Variants in DGKB observed in about 807,000 individuals in gnomAD.
DGKB encodes the protein diacylglycerol kinase beta.
In DGKB, 67 loss-of-function variants were observed where a neutral mutation model predicts 114.3. That is an observed-to-expected ratio of 0.59 (90% CI 0.48 to 0.72). The LOEUF is 0.72. Among genes scored for constraint, DGKB ranks in the 30% least tolerant of loss-of-function variants. The probability of loss-of-function intolerance (pLI) is 0.00; values close to 1 mark genes in which losing one functional copy is unlikely to be tolerated. For missense variants in DGKB, 907 were observed against 975.2 expected, an observed-to-expected ratio of 0.93 and a Z score of 0.93; for synonymous variants, 398 against 323.1, an observed-to-expected ratio of 1.23 and a Z score of -2.49.
rs376591211 is a variant in DGKB at position 14,758,928 on chromosome 7, G to GATAGATAGATAAC, written c.71-1198_71-1197insGTTATCTATCTAT. ...AGATAGATAGATAGATAGATAGATAGATAGATACATAGATAGATAGAGTTT... is the reference window on the plus strand; with the variant it reads ...AGATAGATAGATAGATAGATAGATAGATAGATAGATAACATAGATACATAGATAGATAGAGTTT... On this transcript the variant is annotated intron_variant, in intron 2 of 25. Transcript: ENST00000402815. Among the ~76,000 whole-genome samples, 726 of 146,954 alleles carry GATAGATAGATAAC rather than the reference G, an allele frequency of 4.9e-3. 4 individuals are homozygous for GATAGATAGATAAC. The highest frequency in any genetic ancestry group is 0.017 in the African/African-American group (687 of 39,606).
At chr7:14,509,672 C>T (rs567106610) in intron 20 of DGKB, among the ~76,000 whole-genome samples, 231 of 152,324 alleles carry the variant, frequency 1.5e-3, no homozygotes, top group Middle Eastern at 6.8e-3. Flanking sequence ...ACCAATAAAT[C>T]GGGCAGAGCC....
rs889040259 is a variant in DGKB, at chr7:14,148,365, T to G, written c.*766A>C. ...TAGGCACATAGTTTAAAACTTCTAT[T>G]TCGTTATTGGTGTGGTTATGAATTC... On this transcript the variant is annotated 3_prime_UTR_variant, in exon 26 of 26. Transcript: ENST00000402815. The G allele has an allele frequency of 1.3e-5, 2 of 152,562 alleles. No individual in the cohort carries two copies. Among genetic ancestry groups the G allele is most frequent in the Non-Finnish European group, 2.9e-5 (2 of 68,010 alleles). 9.5% of individuals were successfully genotyped at this position (152,562 alleles called of 1,614,324 possible).
chr7:14,484,902 T>A (rs1355845141), intron 20 of DGKB, among the ~76,000 whole-genome samples: 1 of 151,988 alleles, frequency 6.6e-6, no homozygotes, highest in Non-Finnish European at 1.5e-5. Context: ...TCCACATAAA[T>A]TGGGAGAAGA....
intron 23 of DGKB, among the ~76,000 whole-genome samples, chr7:14,289,471 G>C (rs1454796504): frequency 1.3e-5 from 2 of 151,990 alleles, no homozygotes; most frequent in Non-Finnish European, 2.9e-5. Context: ...CTAAAATCTT[G>C]TTTAAAAAAT....
intron 1 of DGKB, among the ~76,000 whole-genome samples, chr7:14,962,991 C>G (rs1786946383): frequency 6.6e-6 from 1 of 152,088 alleles, no homozygotes; most frequent in Non-Finnish European, 1.5e-5. Context: ...TTCATTTTCT[C>G]TCTTCCGTTC....
chr7:14,623,239 G>A lies in DGKB; in HGVS notation c.1168-1745C>T, dbSNP rs542975326. Reference sequence around the variant, plus strand: ...AATTGATTGGCAATGCATGCCATGGGTGCTTAAGTGCTTTAGTGCCACACA... The same window carrying A: ...AATTGATTGGCAATGCATGCCATGGATGCTTAAGTGCTTTAGTGCCACACA... On this transcript the variant is annotated intron_variant, in intron 14 of 25. Coordinates refer to ENST00000402815, the MANE Select transcript of DGKB (RefSeq NM_001350709.2). Among the ~76,000 whole-genome samples, 3 of 152,288 alleles carry A rather than the reference G, an allele frequency of 2.0e-5. No individual in the cohort carries two copies. The South Asian group carries it at 6.2e-4, about 32-fold the overall frequency.
intron 21 of DGKB, among the ~76,000 whole-genome samples, chr7:14,463,205 A>C (rs1464402414): frequency 6.6e-6 from 1 of 152,066 alleles, no homozygotes; most frequent in Non-Finnish European, 1.5e-5. Flanking sequence ...GAAGACATGG[A>C]AACAGGGAGG....
At position 14,347,833 on chromosome 7, in the gene DGKB, T is replaced by C. The variant is rs1432267962; in HGVS notation, c.1836-2442A>G. ...GGATATGTAATTAGCTTCATTGTGA[T>C]AATTATTTCACAATATATGAAAACA... On this transcript the variant is annotated intron_variant, in intron 21 of 25. Coordinates refer to ENST00000402815, the MANE Select transcript of DGKB (RefSeq NM_001350709.2). Among the ~76,000 whole-genome samples the C allele has an allele frequency of 2.0e-5, 3 of 152,226 alleles. 1 individual carries two copies. Among genetic ancestry groups the C allele is most frequent in the Admixed American group, 1.3e-4 (2 of 15,254 alleles).
chr7:14,278,339 T>C (rs780748325), intron 23 of DGKB, among the ~76,000 whole-genome samples: 10 of 152,250 alleles, frequency 6.6e-5, no homozygotes, highest in Non-Finnish European at 1.2e-4. Flanking sequence ...AATAAACCCA[T>C]ATATTTATGG....
chr7:14,885,176 A>C (rs1854839551), intron 1 of DGKB, among the ~76,000 whole-genome samples: 1 of 151,974 alleles, frequency 6.6e-6, no homozygotes, highest in Non-Finnish European at 1.5e-5. Flanking sequence ...CTGTGTAGGA[A>C]GGAAAGGAGA....
chr7:14,923,735 C>T (rs1207709950), intron 1 of DGKB, among the ~76,000 whole-genome samples: 6 of 152,158 alleles, frequency 3.9e-5, no homozygotes, highest in South Asian at 2.1e-4. Flanking sequence ...TGGCACATGC[C>T]TGTGATCCCA....
chr7:14,215,160 G>A (rs79176882), intron 23 of DGKB, among the ~76,000 whole-genome samples: 2,563 of 152,242 alleles, frequency 0.017, 111 homozygotes, highest in East Asian at 0.1. Flanking sequence ...CTTGCCTGGT[G>A]GCTGAGAGAT....
rs35449163 is a variant in DGKB at position 14,525,710 on chromosome 7, T to TA, written c.1771-47486dup. Among the ~76,000 whole-genome samples the TA allele has an allele frequency of 1.2e-3, 177 of 150,948 alleles. 1 individual carries two copies. Among genetic ancestry groups the TA allele is most frequent in the Middle Eastern group, 3.4e-3 (1 of 294 alleles). On this transcript the variant is annotated intron_variant, in intron 20 of 25. Transcript: ENST00000402815. ...GATATGATGCCAGTTACATTGACAATAAAAAAAAAGTAGAAAAAGTAAAAG... is the reference window on the plus strand; with the variant it reads ...GATATGATGCCAGTTACATTGACAATAAAAAAAAAAGTAGAAAAAGTAAAAG...
chr7:14,922,633 A>C (rs1784565426), intron 1 of DGKB, among the ~76,000 whole-genome samples: 1 of 152,122 alleles, frequency 6.6e-6, no homozygotes, highest in African/African-American at 2.4e-5. Flanking sequence ...GGTGTAGCCA[A>C]GAACATCCTA....
At chr7:14,378,067 A>T (rs1818789930) in intron 21 of DGKB, among the ~76,000 whole-genome samples, 1 of 152,200 alleles carries the variant, frequency 6.6e-6, no homozygotes, top group African/African-American at 2.4e-5. Flanking sequence ...ACTTAGTCAG[A>T]CATTCTTGAA....
chr7:14,588,213 C>T (rs1801105311), intron 17 of DGKB, among the ~76,000 whole-genome samples: 1 of 151,834 alleles, frequency 6.6e-6, no homozygotes, highest in Admixed American at 6.6e-5. Context: ...TTCCTTTTCA[C>T]CTTGTTGGTT....
intron 1 of DGKB, among the ~76,000 whole-genome samples, chr7:14,863,678 G>T (rs1851298849): frequency 6.6e-6 from 1 of 152,022 alleles, no homozygotes; most frequent in Non-Finnish European, 1.5e-5. Flanking sequence ...GAAATGTTTT[G>T]ATCTACATGT....
intron 2 of DGKB, among the ~76,000 whole-genome samples, chr7:14,809,018 AAC>A (rs1843093158): frequency 6.6e-6 from 1 of 152,148 alleles, no homozygotes; most frequent in Non-Finnish European, 1.5e-5. Flanking sequence ...ATTTATTTTT[AAC>A]AGAGGTTAAA....
chr7:14,548,354 T>C (rs1794618731), intron 20 of DGKB, among the ~76,000 whole-genome samples: 2 of 152,160 alleles, frequency 1.3e-5, no homozygotes, highest in Non-Finnish European at 1.5e-5. Flanking sequence ...TACATAAAGA[T>C]ATGCAACAGT....
Sources: allele counts gnomAD v4.1 joint callset (sites outside exome capture counted in the v4.1 genomes callset), GRCh38; gene constraint gnomAD v4.1.1; transcripts MANE v1.5; gene names NCBI Gene and HGNC (gene_info 2026-07-23, HGNC 2026-07-21).